The following F8 variants were observed in gnomAD, a reference collection of about 807,000 sequenced individuals.
The protein encoded by F8 is coagulation factor VIII, also known as antihemophilic factor.
A neutral mutation model predicts 140.6 loss-of-function variants in F8; 12 were observed. The ratio of observed to expected loss-of-function variants is 0.09; its 90% CI spans 0.05 to 0.14. The LOEUF is 0.14. Ranked by LOEUF, F8 falls within the 10% of genes least tolerant of loss-of-function variation. F8 has a pLI of 1.00. For synonymous variants in F8, 585 were observed against 614.6 expected, an observed-to-expected ratio of 0.95 and a Z score of 0.71; for missense variants, 1,354 against 1,720.7, an observed-to-expected ratio of 0.79 and a Z score of 3.77.
intron 22 of F8, among the ~76,000 whole-genome samples, chrX:154,879,173 C>G (rs1234405474): frequency 9.0e-6 from 1 of 111,349 alleles, no homozygotes; most frequent in Non-Finnish European, 1.9e-5. Flanking sequence ...TGTGCAAGAC[C>G]TCAAATAGCC....
chrX:154,925,640 G>T (rs1314451396), intron 14 of F8, among the ~76,000 whole-genome samples: 1 of 112,685 alleles, frequency 8.9e-6, no homozygotes, highest in East Asian at 2.8e-4. Flanking sequence ...CTGCCCCGTA[G>T]AATTTCAGAC....
intron 13 of F8, among the ~76,000 whole-genome samples, chrX:154,936,678 T>A (rs1381718992): frequency 2.7e-5 from 3 of 111,859 alleles, no homozygotes; most frequent in Non-Finnish European, 5.7e-5. Context: ...AAGAAACAGA[T>A]AAAATATCAG....
At chrX:154,995,131 C>T (rs2073609798) in intron 3 of F8, among the ~76,000 whole-genome samples, 2 of 111,649 alleles carry the variant, frequency 1.8e-5, no homozygotes, top group Admixed American at 9.5e-5. Flanking sequence ...AGGTGATGGG[C>T]ACATGTTTGT....
chrX:155,003,319 A>T (rs1557285800), intron 1 of F8, among the ~76,000 whole-genome samples: 1 of 110,271 alleles, frequency 9.1e-6, no homozygotes, highest in East Asian at 2.9e-4. Flanking sequence ...AATGTCTTTG[A>T]TGGGCTCATT....
intron 13 of F8, among the ~76,000 whole-genome samples, chrX:154,936,421 T>G: frequency 9.0e-6 from 1 of 111,472 alleles, no homozygotes. Flanking sequence ...TTAAGCAAAA[T>G]AAATATGATA....
intron 13 of F8, among the ~76,000 whole-genome samples, chrX:154,940,473 T>C (rs2073254649): frequency 9.0e-6 from 1 of 111,497 alleles, no homozygotes; most frequent in Non-Finnish European, 1.9e-5. Flanking sequence ...GAAAAAAGAA[T>C]AAAAAGAAAC....
intron 13 of F8, among the ~76,000 whole-genome samples, chrX:154,944,883 A>G (rs1471787275): frequency 9.0e-6 from 1 of 110,976 alleles, no homozygotes; most frequent in Non-Finnish European, 1.9e-5. Context: ...CATGGATGAA[A>G]TTGGAAATCA....
intron 22 of F8, among the ~76,000 whole-genome samples, chrX:154,876,041 T>C (rs1557273972): frequency 2.7e-5 from 3 of 110,623 alleles, no homozygotes; most frequent in Admixed American, 1.9e-4. Context: ...GGATTTTTTA[T>C]CTGCTTGAAT....
chrX:154,876,377 C>T (rs1380894389), intron 22 of F8, among the ~76,000 whole-genome samples: 1 of 110,769 alleles, frequency 9.0e-6, no homozygotes, highest in Non-Finnish European at 1.9e-5. Flanking sequence ...CCTCGGCCTC[C>T]CAAAGTGCTG....
intron 9 of F8, 102 bp from the exon 10 acceptor site, chrX:154,961,270 A>G: frequency 3.9e-6 from 2 of 516,684 alleles, no homozygotes; most frequent in East Asian, 7.3e-5. Context: ...CTCTATCTAC[A>G]TTATAGTAAT....
Position 154,929,482 on chromosome X carries a change from T to G in F8, c.4308A>C (p.Pro1436=). 1 of 1,211,789 alleles carries G rather than the reference T, an allele frequency of 8.3e-7. No homozygotes were observed. Among genetic ancestry groups the G allele is most frequent in the Non-Finnish European group, 1.1e-6 (1 of 895,447 alleles). ...VLFQDNSSHL[P]AASYRKKDSG... is the part of the protein sequence containing the mutation. Reference sequence around the variant, plus strand: ...AATCTTTCTTTCTATAAGATGCTGCTGGAAGATGAGAAGAGTTGTCTTGGA... The same window carrying G: ...AATCTTTCTTTCTATAAGATGCTGCGGGAAGATGAGAAGAGTTGTCTTGGA... Residue 1436 remains proline, a synonymous_variant, in exon 14 of 26, where the codon CCA becomes CCC. Transcript: ENST00000360256.
At chrX:154,869,347 C>G (rs2072754783) in intron 22 of F8, among the ~76,000 whole-genome samples, 1 of 111,977 alleles carries the variant, frequency 8.9e-6, no homozygotes, top group Non-Finnish European at 1.9e-5. Context: ...CAAACAGTCT[C>G]TCAGACCACA....
chrX:154,936,018 ACACAC>A (rs2073222882), intron 13 of F8, among the ~76,000 whole-genome samples: 5 of 109,862 alleles, frequency 4.6e-5, no homozygotes, highest in African/African-American at 1.7e-4. Flanking sequence ...ACACACACAC[ACACAC>A]AAAAATCAAA....
chrX:154,931,355 A>G lies in F8; in HGVS notation c.2435T>C (p.Leu812Pro). 3.3e-6 allele frequency: 4 copies of G among 1,210,908 alleles called. No individual in the cohort carries two copies. Among genetic ancestry groups the G allele is most frequent in the Non-Finnish European group, 4.5e-6 (4 of 894,692 alleles). Residue 812 changes from leucine (L) to proline (P), a missense_variant, in exon 14 of 26, where the codon CTC becomes CCC. By Grantham distance (98) the Leu-to-Pro change is moderately conservative (BLOSUM62 -3). Coordinates refer to ENST00000360256, the MANE Select transcript of F8 (RefSeq NM_000132.4). The part of the protein sequence containing the change: ...QNVSSSDLLM[L>P]LRQSPTPHGL... The stretch of plus-strand genomic sequence containing the variant: ...ATGTGGAGTAGGACTCTGTCGCAAG[A>G]GCATCAACAAATCACTAGAGGAGAC...
chrX:154,946,246 C>G (rs1245840350), intron 13 of F8, among the ~76,000 whole-genome samples: 1 of 111,955 alleles, frequency 8.9e-6, no homozygotes, highest in Non-Finnish European at 1.9e-5. Flanking sequence ...TGTGTGGAAC[C>G]ACAAAAGACT....
At chrX:154,840,707 C>T (rs2072513093) in intron 25 of F8, among the ~76,000 whole-genome samples, 1 of 112,404 alleles carries the variant, frequency 8.9e-6, no homozygotes, top group South Asian at 3.7e-4. Flanking sequence ...TCACCACACA[C>T]TTGGTGCCTT....
chrX:154,952,415 G>T (rs1244565257), intron 12 of F8, among the ~76,000 whole-genome samples: 4 of 111,863 alleles, frequency 3.6e-5, no homozygotes, highest in African/African-American at 1.3e-4. Context: ...TAAATATGAG[G>T]CTCAACCCAA....
chrX:154,874,823 C>A (rs1416631701), intron 22 of F8, among the ~76,000 whole-genome samples: 1 of 111,821 alleles, frequency 8.9e-6, no homozygotes, highest in Admixed American at 9.5e-5. Context: ...AAAATGAATA[C>A]CATGTGATCT....
chrX:154,955,585 C>A (rs781794103), intron 11 of F8, among the ~76,000 whole-genome samples: 1 of 109,864 alleles, frequency 9.1e-6, no homozygotes, highest in South Asian at 3.9e-4. Flanking sequence ...AGAAAGAGTA[C>A]AAAAGAGAGA....
Sources: allele counts gnomAD v4.1 joint callset (sites outside exome capture counted in the v4.1 genomes callset), GRCh38; gene constraint gnomAD v4.1.1; transcripts MANE v1.5; gene names NCBI Gene and HGNC (gene_info 2026-07-23, HGNC 2026-07-21).